The following CTTN variants were observed in gnomAD, a reference collection of about 807,000 sequenced individuals.
CTTN encodes the protein cortactin, also known as src substrate cortactin.
In CTTN, 28 loss-of-function variants were observed where a neutral mutation model predicts 84.0. The ratio of observed to expected loss-of-function variants is 0.33; its 90% CI spans 0.25 to 0.46. CTTN has a LOEUF of 0.46. Among genes scored for constraint, CTTN ranks in the 20% least tolerant of loss-of-function variants. CTTN has a pLI of 1.00. For synonymous variants in CTTN, 301 were observed against 288.8 expected, an observed-to-expected ratio of 1.04 and a Z score of -0.43; for missense variants, 641 against 723.8, an observed-to-expected ratio of 0.89 and a Z score of 1.31.
intron 2 of CTTN, among the ~76,000 whole-genome samples, chr11:70,407,071 G>C (rs2058047572): frequency 6.6e-6 from 1 of 152,208 alleles, no homozygotes; most frequent in Admixed American, 6.5e-5. Flanking sequence ...AGTATTTCCA[G>C]TATATTTCTG....
chr11:70,433,304 C>G, intron 16 of CTTN, 26 bp downstream of exon 16: 1 of 1,584,572 alleles, frequency 6.3e-7, no homozygotes, highest in Non-Finnish European at 8.6e-7. Flanking sequence ...GCTGCAGCGC[C>G]CTGCCCAGGG....
intron 1 of CTTN, among the ~76,000 whole-genome samples, chr11:70,399,829 A>T (rs2057955319): frequency 6.6e-6 from 1 of 152,058 alleles, no homozygotes; most frequent in Non-Finnish European, 1.5e-5. Context: ...CTCAGTGTTG[A>T]CTTGGCTGCG....
intron 1 of CTTN, among the ~76,000 whole-genome samples, chr11:70,400,468 T>G (rs2057964690): frequency 6.6e-6 from 1 of 151,992 alleles, no homozygotes; most frequent in African/African-American, 2.4e-5. Context: ...TCACCCAGGC[T>G]GGAGTGCAGA....
At chr11:70,417,297 CGTATGAG>C (rs1322597635) in intron 8 of CTTN, among the ~76,000 whole-genome samples, 174 bp downstream of exon 8, 1 of 152,170 alleles carries the variant, frequency 6.6e-6, no homozygotes, top group African/African-American at 2.4e-5. Flanking sequence ...AGTTCCCCAT[CGTATGAG>C]GATTCCATAG....
In CTTN at chr11:70,435,673, C is replaced by T. The variant is rs745777702; in HGVS notation, c.*511C>T. The T allele has an allele frequency of 7.3e-5, 117 of 1,597,214 alleles. No homozygotes were observed. Among genetic ancestry groups the T allele is most frequent in the African/African-American group, 9.3e-5 (7 of 74,884 alleles). On this transcript the variant is annotated 3_prime_UTR_variant, in exon 18 of 18. Transcript: ENST00000301843. ...TGGAAGTTAACCCGGAGCTAAGTCA[C>T]CCAGAGCACAGGAGCTGCCATGTCA...
rs781398142 is a variant in CTTN at position 70,417,021 on chromosome 11, A to C, written c.466A>C (p.Ser156Arg). ...EKHASQKDYS[S>R]GFGGKYGVQA... is the part of the protein sequence containing the mutation. Reference sequence around the variant, plus strand: ...CTGCCCTGTCTCTCCAGACTACTCCAGTGGTTTTGGCGGCAAGTATGGCGT... The same window carrying C: ...CTGCCCTGTCTCTCCAGACTACTCCCGTGGTTTTGGCGGCAAGTATGGCGT... Residue 156 changes from serine (S) to arginine (R), a missense_variant, in exon 8 of 18, where the codon AGT becomes CGT. This residue lies in a region of CTTN where 284 missense variants were observed against 348.4 expected (regional missense o/e 0.82). Transcript: ENST00000301843. The C allele has an allele frequency of 2.5e-6, 4 of 1,613,874 alleles. No homozygotes were observed. The highest frequency in any genetic ancestry group is 3.4e-6 in the Non-Finnish European group (4 of 1,179,876).
intron 17 of CTTN, 33 bp from the exon 18 acceptor site, chr11:70,434,993 C>G (rs771627115): frequency 1.2e-6 from 2 of 1,611,450 alleles, no homozygotes; most frequent in Admixed American, 1.7e-5. Flanking sequence ...AACGCTTGCA[C>G]TTCAGCATCT....
chr11:70,409,780 G>T, intron 4 of CTTN, 51 bp from the exon 5 acceptor site: 1 of 1,593,600 alleles, frequency 6.3e-7, no homozygotes, highest in Non-Finnish European at 8.6e-7. Context: ...AGGAGGCAAA[G>T]CTGCACGTCT....
intron 2 of CTTN, among the ~76,000 whole-genome samples, chr11:70,405,897 C>T (rs1244320476): frequency 1.3e-5 from 2 of 152,232 alleles, no homozygotes; most frequent in Non-Finnish European, 2.9e-5. Flanking sequence ...CAGCTGAAGT[C>T]CTGCAGGCGG....
Position 70,435,208 on chromosome 11 carries a change from C to T in CTTN, c.*46C>T, listed in dbSNP as rs757585907. On this transcript the variant is annotated 3_prime_UTR_variant, in exon 18 of 18. Transcript: ENST00000301843. ...AGCTGCGCCCTGGATCCTCACACTA[C>T]AGATCAGGCCTTCTTTGGTTCTTGG... is the stretch of plus-strand genomic sequence containing the variant. 2.2e-5 allele frequency: 33 copies of T among 1,498,570 alleles called. No individual in the cohort carries two copies. The South Asian group carries it at 3.8e-4, about 17-fold the overall frequency. The allele number at this position is 1,498,570 out of a possible 1,614,324, so 92.8% of individuals were successfully genotyped here. A position where few individuals can be genotyped will look rare whatever the true frequency, so the allele number is the denominator to read the frequency against.
chr11:70,407,224 C>T, intron 2 of CTTN, 74 bp from the exon 3 acceptor site: 1 of 1,301,188 alleles, frequency 7.7e-7, no homozygotes, highest in South Asian at 1.3e-5. Context: ...GTAGTTTTGG[C>T]CAAAGGGCTC....
At chr11:70,407,808 C>T in intron 4 of CTTN, 2 of 501,444 alleles carry the variant, frequency 4.0e-6, no homozygotes, top group Non-Finnish European at 3.5e-6. Flanking sequence ...TACTTCTGTG[C>T]TCAGTAATTT....
intron 13 of CTTN, among the ~76,000 whole-genome samples, chr11:70,426,004 A>G (rs191970861): frequency 3.5e-4 from 54 of 152,302 alleles, no homozygotes; most frequent in African/African-American, 1.2e-3. Flanking sequence ...TTCAGGGGCT[A>G]TGGACCCACA....
At chr11:70,419,300 G>A (rs986333170) in intron 8 of CTTN, among the ~76,000 whole-genome samples, 4 of 151,766 alleles carry the variant, frequency 2.6e-5, no homozygotes, top group African/African-American at 9.7e-5. Context: ...AGTAGAGATG[G>A]GGTTTCATAA....
chr11:70,427,593 C>T (rs1405509970), intron 13 of CTTN, among the ~76,000 whole-genome samples: 1 of 152,226 alleles, frequency 6.6e-6, no homozygotes, highest in Non-Finnish European at 1.5e-5. Flanking sequence ...CGTGGGTGTC[C>T]TTCTGCGACG....
chr11:70,415,131 G>A (rs1316348148), intron 6 of CTTN, among the ~76,000 whole-genome samples: 1 of 152,198 alleles, frequency 6.6e-6, no homozygotes, highest in Non-Finnish European at 1.5e-5. Context: ...GAGCGATCAG[G>A]AGCCTGGAGG....
At chr11:70,431,131 A>G in intron 14 of CTTN, 60 bp from the exon 15 acceptor site, 1 of 1,517,870 alleles carries the variant, frequency 6.6e-7, no homozygotes, top group Admixed American at 1.7e-5. Flanking sequence ...GAAACACGGC[A>G]GGCGTGACAG....
At chr11:70,421,105 G>A (rs928721762) in intron 10 of CTTN, among the ~76,000 whole-genome samples, 1 of 152,196 alleles carries the variant, frequency 6.6e-6, no homozygotes, top group African/African-American at 2.4e-5. Context: ...GGGCTGCAGC[G>A]CCCTCCGAAT....
Position 70,435,434 on chromosome 11 carries a change from T to A in CTTN, c.*272T>A. The A allele has an allele frequency of 2.0e-6, 3 of 1,508,758 alleles. No homozygotes were observed. The highest frequency in any genetic ancestry group is 2.6e-6 in the Non-Finnish European group (3 of 1,140,302). 93.5% of individuals were successfully genotyped at this position (1,508,758 alleles called of 1,614,324 possible). The stretch of plus-strand genomic sequence containing the variant: ...TTTTATGCATTGATGGTTTTTTTTT[T>A]CTTTTTTGCCAAATTGACTGTCACG... On this transcript the variant is annotated 3_prime_UTR_variant, in exon 18 of 18. Transcript: ENST00000301843.
Sources: allele counts gnomAD v4.1 joint callset (sites outside exome capture counted in the v4.1 genomes callset), GRCh38; gene constraint gnomAD v4.1.1; regional missense constraint gnomAD v4.1.1; transcripts MANE v1.5; gene names NCBI Gene and HGNC (gene_info 2026-07-23, HGNC 2026-07-21).